Variants in HK1 observed in about 807,000 individuals in gnomAD.
HK1 encodes hexokinase-1.
In HK1, 28 loss-of-function variants were observed where a neutral mutation model predicts 91.6. That is an observed-to-expected ratio of 0.31 (90% CI 0.23 to 0.42). The LOEUF (loss-of-function observed/expected upper bound fraction) is 0.42, where lower values mean the gene tolerates loss of function less well. HK1 is among the 10% of genes least tolerant of loss of function. The probability of loss-of-function intolerance (pLI) is 1.00; values close to 1 mark genes in which losing one functional copy is unlikely to be tolerated. For missense variants in HK1, 770 were observed against 1,219.8 expected, an observed-to-expected ratio of 0.63 and a Z score of 5.49; for synonymous variants, 430 against 468.1, an observed-to-expected ratio of 0.92 and a Z score of 1.05.
In HK1 at chr10:69,400,394, A is replaced by G. The variant is rs560333024; in HGVS notation, c.2610-597A>G. Among the ~76,000 whole-genome samples, 59 of 152,278 alleles carry G rather than the reference A, an allele frequency of 3.9e-4. No homozygotes were observed. In the South Asian group the frequency reaches 7.0e-3, roughly 18 times the overall value. ...GCATGTAGATTCAGCCTTTGTTCAG[A>G]TACTATCTTCACTGGAAGGCATTCC... On this transcript the variant is annotated intron_variant, in intron 17 of 17. Coordinates refer to ENST00000359426, the MANE Select transcript of HK1 (RefSeq NM_000188.3).
At chr10:69,351,526 A>ACAAAAC (rs1848875315) in intron 2 of HK1, among the ~76,000 whole-genome samples, 1 of 147,596 alleles carries the variant, frequency 6.8e-6, no homozygotes, top group Non-Finnish European at 1.5e-5. Context: ...AAAAACAAAA[A>ACAAAAC]CAAAAAAAAC....
intron 3 of HK1, among the ~76,000 whole-genome samples, chr10:69,290,837 T>C (rs377204379): frequency 6.6e-6 from 1 of 152,274 alleles, no homozygotes; most frequent in East Asian, 1.9e-4. Context: ...TCTGTCCTGT[T>C]CCTAATGCCC....
At chr10:69,379,156 T>TA (rs543432673) in intron 8 of HK1, among the ~76,000 whole-genome samples, 36 of 152,072 alleles carry the variant, frequency 2.4e-4, no homozygotes, top group African/African-American at 7.7e-4. Context: ...TTTTAAATAT[T>TA]AAAAAAAATC....
intron 7 of HK1, among the ~76,000 whole-genome samples, chr10:69,371,557 C>G (rs1850006886): frequency 6.6e-6 from 1 of 152,186 alleles, no homozygotes; most frequent in African/African-American, 2.4e-5. Flanking sequence ...GGTTATGTAC[C>G]TGTAGTTACT....
At chr10:69,398,375 G>A (rs1472223521) in intron 16 of HK1, among the ~76,000 whole-genome samples, 3 of 152,192 alleles carry the variant, frequency 2.0e-5, no homozygotes, top group Non-Finnish European at 4.4e-5. Context: ...AATGTTAATA[G>A]CATTTTCCTA....
intron 17 of HK1, among the ~76,000 whole-genome samples, chr10:69,399,430 T>G (rs148331255): frequency 1.4e-3 from 209 of 152,252 alleles, no homozygotes; most frequent in Middle Eastern, 0.014. Context: ...GAGGATTGCT[T>G]GAGCCTGGGA....
At chr10:69,356,808 G>C (rs1485783191) in intron 2 of HK1, among the ~76,000 whole-genome samples, 5 of 150,026 alleles carry the variant, frequency 3.3e-5, no homozygotes, top group Admixed American at 1.3e-4. Context: ...GCTTGAACCC[G>C]GGAAGCAGAG....
intron 1 of HK1, among the ~76,000 whole-genome samples, chr10:69,319,476 C>T: frequency 6.6e-6 from 1 of 152,328 alleles, no homozygotes; most frequent in Middle Eastern, 3.4e-3. Flanking sequence ...GTCGGGTGCC[C>T]CGGAGAAGCT....
At position 69,299,586 on chromosome 10, in the gene HK1, C is replaced by T. The variant is rs187397411; in HGVS notation, c.-66-1183C>T. Among the ~76,000 whole-genome samples, 173 of 151,374 alleles carry T rather than the reference C, an allele frequency of 1.1e-3. 6 individuals are homozygous for T. Among genetic ancestry groups the T allele is most frequent in the African/African-American group, 3.9e-3 (161 of 40,916 alleles). ...TTCACCATGTTGGTTAAGTTGGTCT[C>T]GAACTCCTGACCTCGTGATTGCCCA... is the stretch of plus-strand genomic sequence containing the variant. On this transcript the variant is annotated intron_variant, in intron 4 of 21. Transcript: ENST00000360289.
intron 1 of HK1, among the ~76,000 whole-genome samples, chr10:69,273,967 T>C (rs1844313951): frequency 6.6e-6 from 1 of 152,198 alleles, no homozygotes; most frequent in Non-Finnish European, 1.5e-5. Context: ...TTCTCTTGCT[T>C]ACAGGCCACA....
intron 3 of HK1, among the ~76,000 whole-genome samples, chr10:69,294,805 T>C (rs912310061): frequency 5.3e-5 from 8 of 152,032 alleles, no homozygotes; most frequent in African/African-American, 1.7e-4. Context: ...GAGGTTGCAG[T>C]GAGCAGAGAT....
chr10:69,342,859 C>T (rs1848362022), intron 1 of HK1, among the ~76,000 whole-genome samples: 1 of 152,176 alleles, frequency 6.6e-6, no homozygotes. Context: ...AGCTGGTGCC[C>T]AGTGAATCCT....
chr10:69,327,389 G>A (rs1478461301), intron 1 of HK1, among the ~76,000 whole-genome samples: 1 of 152,166 alleles, frequency 6.6e-6, no homozygotes, highest in African/African-American at 2.4e-5. Context: ...TTTTAAAAAT[G>A]TTGATCTACG....
chr10:69,280,726 A>G (rs1049570992), intron 1 of HK1, among the ~76,000 whole-genome samples: 1 of 152,138 alleles, frequency 6.6e-6, no homozygotes, highest in African/African-American at 2.4e-5. Flanking sequence ...CTGGTGACTT[A>G]ATCTTGGATT....
intron 5 of HK1, among the ~76,000 whole-genome samples, chr10:69,308,386 C>T (rs1232346509): frequency 2.0e-5 from 3 of 152,100 alleles, no homozygotes; most frequent in Non-Finnish European, 4.4e-5. Flanking sequence ...AGCCGAGCTC[C>T]CCGAGTGAAC....
intron 5 of HK1, among the ~76,000 whole-genome samples, chr10:69,308,317 G>C (rs370911133): frequency 2.0e-5 from 3 of 152,068 alleles, no homozygotes; most frequent in Non-Finnish European, 2.9e-5. Context: ...CTCAGACACC[G>C]AGTTAAAGAA....
chr10:69,323,331 G>T (rs530878273), intron 1 of HK1, among the ~76,000 whole-genome samples: 1 of 151,494 alleles, frequency 6.6e-6, no homozygotes, highest in South Asian at 2.1e-4. Flanking sequence ...AAGTCAGCCT[G>T]GGCAACAAAA....
intron 1 of HK1, among the ~76,000 whole-genome samples, chr10:69,343,368 T>C (rs967709106): frequency 2.0e-5 from 3 of 152,222 alleles, no homozygotes; most frequent in Admixed American, 1.3e-4. Context: ...TTGAGGAAAC[T>C]GAAATTCACA....
At position 69,380,184 on chromosome 10, in the gene HK1, G is replaced by C; in HGVS notation, c.1265+89G>C. 1.9e-6 allele frequency: 2 copies of C among 1,079,926 alleles called. No individual in the cohort carries two copies. The highest frequency in any genetic ancestry group is 2.8e-6 in the Non-Finnish European group (2 of 710,310). The allele number at this position is 1,079,926 out of a possible 1,614,324, so 66.9% of individuals were successfully genotyped here. The stretch of plus-strand genomic sequence containing the variant: ...GATCAGACTTTTGTACCCGGTAAAC[G>C]TTTTTCGGCAGACAAGACAATGGTG... On this transcript the variant is annotated intron_variant, in intron 9 of 17. Transcript: ENST00000359426. The surrounding 1 kb of genome is among the most constrained non-coding windows in gnomAD (Gnocchi z 4.0).
Sources: gnomAD v4.1 joint callset for allele counts (sites outside exome capture counted in the v4.1 genomes callset) on GRCh38, gnomAD v4.1.1 for gene constraint, Gnocchi (gnomAD v3.1) non-coding constraint, MANE v1.5 for transcripts, NCBI Gene and HGNC (gene_info 2026-07-23, HGNC 2026-07-21) for gene names.